Variants in TAFA2 observed in about 807,000 individuals in gnomAD.
TAFA2 encodes the protein TAFA chemokine like family member 2.
In TAFA2, 7 loss-of-function variants were observed where a neutral mutation model predicts 18.8. The observed-to-expected ratio is 0.37, with a 90% CI of 0.21 to 0.70. TAFA2 has a LOEUF of 0.70. TAFA2 is among the 30% of genes least tolerant of loss of function. The pLI is 0.53. For missense variants in TAFA2, 122 were observed against 158.1 expected (o/e 0.77, Z 1.23); for synonymous variants, 60 against 54.2 (o/e 1.11, Z -0.47).
intron 1 of TAFA2, among the ~76,000 whole-genome samples, chr12:62,178,589 T>C (rs948796854): frequency 6.6e-6 from 1 of 152,168 alleles, no homozygotes; most frequent in East Asian, 1.9e-4. Flanking sequence ...TTATTCATCA[T>C]ACAGCAAGCA....
At chr12:62,166,651 G>C (rs1006917188) in intron 1 of TAFA2, among the ~76,000 whole-genome samples, 3 of 151,926 alleles carry the variant, frequency 2.0e-5, no homozygotes, top group Admixed American at 2.0e-4. Flanking sequence ...AACTACTCTG[G>C]CAATTGCCAG....
At chr12:62,109,901 A>G (rs186849996) in intron 1 of TAFA2, among the ~76,000 whole-genome samples, 2 of 152,320 alleles carry the variant, frequency 1.3e-5, no homozygotes. Context: ...GGTTTTCTAA[A>G]TATACAATCA....
rs144806974 is a variant in TAFA2, at chr12:62,050,503, C to T, written c.-2+140756G>A. On this transcript the variant is annotated intron_variant, in intron 1 of 4. Coordinates refer to ENST00000416284, the MANE Select transcript of TAFA2 (RefSeq NM_178539.5). ...AGGAGACTGGCGTGAACCCGGGAGG[C>T]AGAGCTTGCAGTGAGCCGAGATAGT... Among the ~76,000 whole-genome samples the T allele has an allele frequency of 7.9e-5, 12 of 151,292 alleles. No homozygotes were observed. The East Asian group carries it at 2.4e-3, about 30-fold the overall frequency.
chr12:61,991,026 T>C (rs1879991162), intron 1 of TAFA2, among the ~76,000 whole-genome samples: 1 of 152,178 alleles, frequency 6.6e-6, no homozygotes, highest in Non-Finnish European at 1.5e-5. Context: ...GGGCTAAAAG[T>C]AAGTTACAAT....
chr12:62,171,016 T>C (rs768152527), intron 1 of TAFA2, among the ~76,000 whole-genome samples: 1 of 152,200 alleles, frequency 6.6e-6, no homozygotes, highest in African/African-American at 2.4e-5. Context: ...AAATAAGTAG[T>C]TTACCATCTA....
intron 1 of TAFA2, among the ~76,000 whole-genome samples, chr12:62,035,204 AAG>A (rs1434607735): frequency 6.6e-6 from 1 of 152,158 alleles, no homozygotes; most frequent in Non-Finnish European, 1.5e-5. Context: ...TGATTCATTG[AAG>A]AGAGATTTAT....
At chr12:61,754,169 A>T (rs975483453) in intron 3 of TAFA2, among the ~76,000 whole-genome samples, 1 of 152,012 alleles carries the variant, frequency 6.6e-6, no homozygotes, top group South Asian at 2.1e-4. Flanking sequence ...TTTAGAGTCA[A>T]CACTTTATAA....
At chr12:62,188,915 T>G (rs1320937) in intron 1 of TAFA2, among the ~76,000 whole-genome samples, 26,189 of 152,114 alleles carry the variant, frequency 0.17, 2,514 homozygotes, top group African/African-American at 0.26. Flanking sequence ...TGTAATCTAT[T>G]TTTACATAAA....
intron 1 of TAFA2, among the ~76,000 whole-genome samples, chr12:62,164,645 T>C (rs1472538533): frequency 6.6e-6 from 1 of 152,102 alleles, no homozygotes; most frequent in Non-Finnish European, 1.5e-5. Flanking sequence ...AAAAACAAGA[T>C]AATTATTGTT....
At chr12:62,092,688 T>C (rs1218642483) in intron 1 of TAFA2, among the ~76,000 whole-genome samples, 1 of 152,020 alleles carries the variant, frequency 6.6e-6, no homozygotes, top group African/African-American at 2.4e-5. Flanking sequence ...CCAATATGTA[T>C]TTTGTGAATA....
intron 1 of TAFA2, among the ~76,000 whole-genome samples, chr12:62,183,458 A>G (rs1400315964): frequency 1.3e-5 from 2 of 152,180 alleles, no homozygotes; most frequent in Non-Finnish European, 2.9e-5. Context: ...ATCACAGCTC[A>G]CTGCAGCCTC....
intron 1 of TAFA2, among the ~76,000 whole-genome samples, chr12:62,111,604 A>G (rs985643983): frequency 6.6e-6 from 1 of 152,180 alleles, no homozygotes; most frequent in African/African-American, 2.4e-5. Flanking sequence ...ATCTCCCACT[A>G]TTATTGTGTG....
intron 4 of TAFA2, among the ~76,000 whole-genome samples, chr12:61,728,087 A>G (rs1870259758): frequency 7.1e-6 from 1 of 141,548 alleles, no homozygotes; most frequent in Non-Finnish European, 1.5e-5. Context: ...GGTCAGAGAG[A>G]GTACTTGATA....
At chr12:61,867,199 T>A (rs1451649561) in intron 2 of TAFA2, 121 bp downstream of exon 2, 2 of 648,906 alleles carry the variant, frequency 3.1e-6, no homozygotes, top group Non-Finnish European at 5.4e-6. Flanking sequence ...TAAAGAAAAC[T>A]GCCAGGGGGA....
intron 1 of TAFA2, among the ~76,000 whole-genome samples, chr12:62,097,676 A>AG (rs1452906731): frequency 6.6e-6 from 1 of 152,196 alleles, no homozygotes; most frequent in Admixed American, 6.5e-5. Flanking sequence ...AGTCAATTAC[A>AG]GGGACATTGC....
At chr12:62,240,422 GAA>G (rs36059415) in intron 1 of TAFA2, among the ~76,000 whole-genome samples, 3 of 145,732 alleles carry the variant, frequency 2.1e-5, no homozygotes, top group Non-Finnish European at 3.0e-5. Flanking sequence ...CTGTCTCAGG[GAA>G]AAAAAAAAAA....
intron 1 of TAFA2, among the ~76,000 whole-genome samples, chr12:62,172,144 A>G (rs2062482076): frequency 6.6e-6 from 1 of 152,222 alleles, no homozygotes; most frequent in Admixed American, 6.5e-5. Flanking sequence ...TTAAAAAAGA[A>G]AACATTTCAG....
chr12:61,722,155 T>C (rs1047370701), intron 4 of TAFA2, among the ~76,000 whole-genome samples: 13 of 152,166 alleles, frequency 8.5e-5, no homozygotes, highest in African/African-American at 3.1e-4. Context: ...GTTTTGGTTG[T>C]ATAAGTTAAA....
chr12:62,210,192 A>AATAAATAC (rs1469708899), intron 1 of TAFA2, among the ~76,000 whole-genome samples: 1 of 150,632 alleles, frequency 6.6e-6, no homozygotes, highest in Non-Finnish European at 1.5e-5. Context: ...TCTCTAAATA[A>AATAAATAC]ATAAATAAAT....
Sources: gnomAD v4.1 joint callset for allele counts (sites outside exome capture counted in the v4.1 genomes callset) on GRCh38, gnomAD v4.1.1 for gene constraint, MANE v1.5 for transcripts, NCBI Gene and HGNC (gene_info 2026-07-23, HGNC 2026-07-21) for gene names.